Variants in CLSTN2 observed in about 807,000 individuals in gnomAD.
CLSTN2 encodes the protein calsyntenin-2.
A neutral mutation model predicts 101.2 loss-of-function variants in CLSTN2; 48 were observed. That is an observed-to-expected ratio of 0.47 (90% CI 0.38 to 0.60). The LOEUF (loss-of-function observed/expected upper bound fraction) is 0.60. Ranked by LOEUF, CLSTN2 falls within the 20% of genes least tolerant of loss-of-function variation. The pLI, the probability that CLSTN2 is intolerant of heterozygous loss-of-function variation, is 0.00. For synonymous variants in CLSTN2, 481 were observed against 463.6 expected (o/e 1.04, Z -0.48); for missense variants, 1,160 against 1,238.2 (o/e 0.94, Z 0.95).
chr3:140,350,331 T>A (rs990170568), intron 2 of CLSTN2, among the ~76,000 whole-genome samples: 1 of 152,196 alleles, frequency 6.6e-6, no homozygotes, highest in African/African-American at 2.4e-5. Flanking sequence ...AATGCAGATA[T>A]TATGTGGAAA....
At chr3:140,086,109 T>C (rs1224003323) in intron 1 of CLSTN2, among the ~76,000 whole-genome samples, 1 of 152,238 alleles carries the variant, frequency 6.6e-6, no homozygotes, top group Non-Finnish European at 1.5e-5. Flanking sequence ...TATTTGGACA[T>C]ATTATGCCAA....
intron 10 of CLSTN2, among the ~76,000 whole-genome samples, chr3:140,556,098 A>G (rs1466314891): frequency 6.6e-6 from 1 of 152,170 alleles, no homozygotes; most frequent in Non-Finnish European, 1.5e-5. Context: ...GTGCAAGATG[A>G]ATTTGGGGAG....
chr3:140,194,333 G>T (rs182186267), intron 2 of CLSTN2, among the ~76,000 whole-genome samples: 60 of 152,090 alleles, frequency 3.9e-4, no homozygotes, highest in African/African-American at 1.4e-3. Context: ...TTTTATAAGG[G>T]CACTAATTCC....
intron 1 of CLSTN2, among the ~76,000 whole-genome samples, chr3:140,077,346 A>G (rs1460179637): frequency 6.6e-6 from 1 of 152,118 alleles, no homozygotes; most frequent in Non-Finnish European, 1.5e-5. Flanking sequence ...CCCATGATCA[A>G]TCAGTTCCAG....
At position 140,014,674 on chromosome 3, in the gene CLSTN2, C is replaced by T. The variant is rs1042841223; in HGVS notation, c.109+79191C>T. ...GGTCCACAGTAGGGCCTGTGCCCAG[C>T]GTGTCTGAGGAACTGCAGGGAGGCC... On this transcript the variant is annotated intron_variant, in intron 1 of 16. Transcript: ENST00000458420. Among the ~76,000 whole-genome samples, 11 of 152,192 alleles carry T rather than the reference C, an allele frequency of 7.2e-5. No individual in the cohort carries two copies. The East Asian group carries it at 1.5e-3, about 21-fold the overall frequency.
chr3:140,024,323 T>C (rs1259183456), intron 1 of CLSTN2, among the ~76,000 whole-genome samples: 1 of 152,202 alleles, frequency 6.6e-6, no homozygotes, highest in East Asian at 1.9e-4. Context: ...CTTCTGCCTT[T>C]TCTTGTATCT....
intron 11 of CLSTN2, among the ~76,000 whole-genome samples, chr3:140,558,183 G>T (rs1559904123): frequency 6.6e-6 from 1 of 152,212 alleles, no homozygotes; most frequent in African/African-American, 2.4e-5. Flanking sequence ...CTCACACCTA[G>T]AAAAGGCACA....
At chr3:140,163,748 C>T (rs1000245654) in intron 1 of CLSTN2, among the ~76,000 whole-genome samples, 2 of 151,088 alleles carry the variant, frequency 1.3e-5, no homozygotes, top group Non-Finnish European at 1.5e-5. Flanking sequence ...TGAACCTGTT[C>T]CCTCATCCAT....
At chr3:140,429,473 G>A (rs1206943001) in intron 5 of CLSTN2, among the ~76,000 whole-genome samples, 1 of 152,156 alleles carries the variant, frequency 6.6e-6, no homozygotes, top group African/African-American at 2.4e-5. Flanking sequence ...GAAAACAGGT[G>A]TTAGGTAGGA....
At chr3:140,291,417 C>A (rs1235213509) in intron 2 of CLSTN2, among the ~76,000 whole-genome samples, 1 of 151,352 alleles carries the variant, frequency 6.6e-6, no homozygotes, top group African/African-American at 2.4e-5. Context: ...TTCTGCTGGA[C>A]CTCTCCCATC....
intron 1 of CLSTN2, among the ~76,000 whole-genome samples, chr3:140,136,464 A>G (rs1373815679): frequency 6.6e-6 from 1 of 152,210 alleles, no homozygotes; most frequent in Non-Finnish European, 1.5e-5. Flanking sequence ...GAGAGCTGTG[A>G]CATTCAATAT....
rs1933154424 is a variant in CLSTN2, at chr3:140,448,611, T to A, written c.880T>A (p.Ser294Thr). Residue 294 changes from serine (S) to threonine (T), a missense_variant, in exon 6 of 17, where the codon TCC becomes ACC. Ser to Thr is a moderately conservative substitution (Grantham distance 58). Coordinates refer to ENST00000458420, the MANE Select transcript of CLSTN2 (RefSeq NM_022131.3). ...HLETCDGAVS[S>T]LQIVTELQTN... ...GGAGACGTGCGATGGAGCCGTGTCTTCCCTCCAGATCGTCACAGAGCTGCA... is the reference window on the plus strand; with the variant it reads ...GGAGACGTGCGATGGAGCCGTGTCTACCCTCCAGATCGTCACAGAGCTGCA... The A allele has an allele frequency of 1.2e-6, 2 of 1,614,090 alleles. No homozygotes were observed. The highest frequency in any genetic ancestry group is 1.7e-6 in the Non-Finnish European group (2 of 1,179,970).
At chr3:140,469,418 A>AC (rs1933783122) in intron 8 of CLSTN2, among the ~76,000 whole-genome samples, 1 of 151,914 alleles carries the variant, frequency 6.6e-6, no homozygotes, top group Non-Finnish European at 1.5e-5. Context: ...CAACCCAGAG[A>AC]CCCCTCTTTC....
chr3:140,416,492 C>T (rs1441517896), intron 4 of CLSTN2, among the ~76,000 whole-genome samples: 1 of 152,070 alleles, frequency 6.6e-6, no homozygotes, highest in Non-Finnish European at 1.5e-5. Context: ...ACATTGTATA[C>T]CCCAAATATA....
chr3:140,117,998 T>C (rs2009274871), intron 1 of CLSTN2, among the ~76,000 whole-genome samples: 2 of 152,282 alleles, frequency 1.3e-5, no homozygotes, highest in South Asian at 4.1e-4. Context: ...CCCCAGTACC[T>C]CAGGATGTGA....
At chr3:140,320,602 T>G (rs2087272621) in intron 2 of CLSTN2, among the ~76,000 whole-genome samples, 1 of 141,710 alleles carries the variant, frequency 7.1e-6, no homozygotes, top group Non-Finnish European at 1.5e-5. Flanking sequence ...TGTATTTGTG[T>G]TTTTTTTGCG....
chr3:140,551,330 C>T (rs1401909895), intron 10 of CLSTN2, among the ~76,000 whole-genome samples: 1 of 152,108 alleles, frequency 6.6e-6, no homozygotes, highest in Non-Finnish European at 1.5e-5. Context: ...TCTTGCTTTA[C>T]CTGTCTTCTT....
chr3:140,415,486 C>CAAAAAAA (rs751616049), intron 4 of CLSTN2, among the ~76,000 whole-genome samples: 660 of 56,786 alleles, frequency 0.012, no homozygotes, highest in South Asian at 0.02. Context: ...CACAAAATAG[C>CAAAAAAA]AAAAAAAAAA....
chr3:140,052,880 C>T (rs2008024253), intron 1 of CLSTN2, among the ~76,000 whole-genome samples: 1 of 152,208 alleles, frequency 6.6e-6, no homozygotes, highest in South Asian at 2.1e-4. Flanking sequence ...GGCAGCCCCA[C>T]ATGTATATAG....
Sources: gnomAD v4.1 joint callset for allele counts (sites outside exome capture counted in the v4.1 genomes callset) on GRCh38, gnomAD v4.1.1 for gene constraint, MANE v1.5 for transcripts, NCBI Gene and HGNC (gene_info 2026-07-23, HGNC 2026-07-21) for gene names.